Variants in ACP6 observed in about 807,000 individuals in gnomAD.
The protein encoded by ACP6 is acid phosphatase 6, lysophosphatidic, also known as lysophosphatidic acid phosphatase type 6.
In ACP6, 48 loss-of-function variants were observed where a neutral mutation model predicts 48.1. That is an observed-to-expected ratio of 1.00 (90% CI 0.79 to 1.27). ACP6 has a LOEUF of 1.27. Ranked by LOEUF, ACP6 falls within the 50% of genes most tolerant of loss-of-function variation. The pLI, the probability that ACP6 is intolerant of heterozygous loss-of-function variation, is 0.00. For missense variants in ACP6, 485 were observed against 529.1 expected (o/e 0.92, Z 0.82); for synonymous variants, 172 against 204.2 (o/e 0.84, Z 1.34).
Position 147,670,215 on chromosome 1 carries a change from G to C in ACP6, c.-167C>G, listed in dbSNP as rs1661027721. On this transcript the variant is annotated 5_prime_UTR_variant, in exon 1 of 10. Transcript: ENST00000583509. ...CGCTGTGCCTCCCGGCCCTGAGGGA[G>C]ACCCCGAGTGGGAACGGGGGAGAGA... The C allele has an allele frequency of 3.2e-6, 2 of 616,836 alleles. No homozygotes were observed. The highest frequency in any genetic ancestry group is 2.1e-5 in the South Asian group (1 of 46,552). The allele number at this position is 616,836 out of a possible 1,614,324, so 38.2% of individuals were successfully genotyped here. A position where few individuals can be genotyped will look rare whatever the true frequency, so the allele number is the denominator to read the frequency against.
chr1:147,633,780 T>C (rs1659230758), intron 5 of ACP6, among the ~76,000 whole-genome samples: 1 of 152,182 alleles, frequency 6.6e-6, no homozygotes, highest in Admixed American at 6.5e-5. Context: ...AATATTTTCA[T>C]CAAAGTGATA....
At chr1:147,633,732 A>G (rs587725517) in intron 5 of ACP6, among the ~76,000 whole-genome samples, 2 of 152,236 alleles carry the variant, frequency 1.3e-5, no homozygotes, top group South Asian at 4.1e-4. Flanking sequence ...AACAATCTTT[A>G]TATTGGTTCT....
intron 1 of ACP6, 61 bp from the exon 2 acceptor site, chr1:147,659,836 T>C (rs1415698581): frequency 6.4e-7 from 1 of 1,574,626 alleles, no homozygotes; most frequent in African/African-American, 1.3e-5. Flanking sequence ...TGTATAGCAT[T>C]AACATCTCAA....
At chr1:147,648,008 T>C in intron 9 of ACP6, 1 of 545,468 alleles carries the variant, frequency 1.8e-6, no homozygotes, top group Non-Finnish European at 3.2e-6. Flanking sequence ...AGGGGGACCC[T>C]GTTCCTAGGA....
intron 1 of ACP6, among the ~76,000 whole-genome samples, chr1:147,664,542 G>T (rs1553213286): frequency 6.6e-6 from 1 of 152,150 alleles, no homozygotes. Flanking sequence ...TTACCAAAGT[G>T]TATTAAACGA....
In ACP6 at chr1:147,670,286, G is replaced by C; in HGVS notation, c.-238C>G. 2.2e-6 allele frequency: 1 copy of C among 452,120 alleles called. No homozygotes were observed. The highest frequency in any genetic ancestry group is 2.0e-5 in the African/African-American group (1 of 50,684). 28.0% of individuals were successfully genotyped at this position (452,120 alleles called of 1,614,324 possible). On this transcript the variant is annotated 5_prime_UTR_variant, in exon 1 of 10. Transcript: ENST00000583509. ...AGAGTCCCTGGGAGTTTTAACCCGGGTCGGGGTTGGTCGCTCCTGCTGCAC... is the reference window on the plus strand; with the variant it reads ...AGAGTCCCTGGGAGTTTTAACCCGGCTCGGGGTTGGTCGCTCCTGCTGCAC...
rs782281061 is a variant in ACP6, at chr1:147,648,201, A to G, written c.1143+45T>C. ...GCTAACTCAGGTAGGTGGGTTTTGC[A>G]GGAGGGTGCCTCACCACCACCCAAC... is the stretch of plus-strand genomic sequence containing the variant. On this transcript the variant is annotated intron_variant, in intron 9 of 9. Coordinates refer to ENST00000583509, the MANE Select transcript of ACP6 (RefSeq NM_016361.5). 6.2e-6 allele frequency: 10 copies of G among 1,605,646 alleles called. No homozygotes were observed. In the South Asian group the frequency reaches 1.1e-4, roughly 18 times the overall value.
At chr1:147,659,160 G>A in intron 3 of ACP6, 121 bp from the exon 4 acceptor site, 4 of 1,110,412 alleles carry the variant, frequency 3.6e-6, no homozygotes, top group Non-Finnish European at 3.8e-6. Context: ...TATGGAACTA[G>A]GAAGAATGCT....
At chr1:147,660,163 T>C (rs782094577) in intron 1 of ACP6, among the ~76,000 whole-genome samples, 11 of 152,252 alleles carry the variant, frequency 7.2e-5, no homozygotes, top group Non-Finnish European at 1.3e-4. Context: ...GGAATTAATC[T>C]GGAGGTTTAT....
rs782702420 is a variant in ACP6 at position 147,654,209 on chromosome 1, G to A, written c.765C>T (p.Asn255=). ...DKVDFFILLD[N]VAAEQAHNLP... ...CAGGACTCACCTGCTCGGCAGCCAC[G>A]TTGTCCAGGAGGATGAAGAAGTCCA... Residue 255 remains asparagine (N), a synonymous_variant, in exon 6 of 10, where the codon AAC becomes AAT. Coordinates refer to ENST00000583509, the MANE Select transcript of ACP6 (RefSeq NM_016361.5). 28 of 1,613,938 alleles carry A rather than the reference G, an allele frequency of 1.7e-5. No homozygotes were observed. The highest frequency in any genetic ancestry group is 8.9e-5 in the East Asian group (4 of 44,884).
intron 3 of ACP6, 82 bp downstream of exon 3, chr1:147,659,314 G>A: frequency 2.6e-6 from 4 of 1,543,786 alleles, no homozygotes; most frequent in Non-Finnish European, 3.5e-6. Context: ...GTGACAGTGG[G>A]AACCATCTTG....
At position 147,670,285 on chromosome 1, in the gene ACP6, G is replaced by C; in HGVS notation, c.-237C>G. 1 of 452,346 alleles carries C rather than the reference G, an allele frequency of 2.2e-6. No homozygotes were observed. The allele number at this position is 452,346 out of a possible 1,614,324, so 28.0% of individuals were successfully genotyped here. Reference sequence around the variant, plus strand: ...AAGAGTCCCTGGGAGTTTTAACCCGGGTCGGGGTTGGTCGCTCCTGCTGCA... The same window carrying C: ...AAGAGTCCCTGGGAGTTTTAACCCGCGTCGGGGTTGGTCGCTCCTGCTGCA... On this transcript the variant is annotated 5_prime_UTR_variant, in exon 1 of 10. Coordinates refer to ENST00000583509, the MANE Select transcript of ACP6 (RefSeq NM_016361.5).
At chr1:147,669,101 T>A (rs981777539) in intron 1 of ACP6, among the ~76,000 whole-genome samples, 3 of 151,728 alleles carry the variant, frequency 2.0e-5, no homozygotes, top group African/African-American at 4.8e-5. Flanking sequence ...CATTTTTTTT[T>A]AAACTATTTG....
intron 7 of ACP6, chr1:147,650,640 C>A (rs1180710781): frequency 2.4e-5 from 4 of 163,290 alleles, no homozygotes; most frequent in Non-Finnish European, 4.0e-5. Context: ...TCAGAAGGAA[C>A]AAGAACATCC....
rs1661020639 is a variant in ACP6 at position 147,670,101 on chromosome 1, G to A, written c.-53C>T. ...TTGAGGCTGCAGGAGGCAAACACAAGTCTTCTGCGGGCGCCGGGGCTCAGC... is the reference window on the plus strand; with the variant it reads ...TTGAGGCTGCAGGAGGCAAACACAAATCTTCTGCGGGCGCCGGGGCTCAGC... On this transcript the variant is annotated 5_prime_UTR_variant, in exon 1 of 10. Coordinates refer to ENST00000583509, the MANE Select transcript of ACP6 (RefSeq NM_016361.5). 4.2e-6 allele frequency: 6 copies of A among 1,427,420 alleles called. No homozygotes were observed. Among genetic ancestry groups the A allele is most frequent in the Non-Finnish European group, 3.7e-6 (4 of 1,084,370 alleles). 88.4% of individuals were successfully genotyped at this position (1,427,420 alleles called of 1,614,324 possible). A position where few individuals can be genotyped will look rare whatever the true frequency, so the allele number is the denominator to read the frequency against.
chr1:147,670,114 G>T lies in ACP6; in HGVS notation c.-66C>A. ...AGGCAAACACAAGTCTTCTGCGGGCGCCGGGGCTCAGCGGGCGCCCCCAAG... is the reference window on the plus strand; with the variant it reads ...AGGCAAACACAAGTCTTCTGCGGGCTCCGGGGCTCAGCGGGCGCCCCCAAG... On this transcript the variant is annotated 5_prime_UTR_variant, in exon 1 of 10. Transcript: ENST00000583509. The T allele has an allele frequency of 7.1e-7, 1 of 1,402,560 alleles. No homozygotes were observed. The highest frequency in any genetic ancestry group is 1.5e-5 in the South Asian group (1 of 67,798). 86.9% of individuals were successfully genotyped at this position (1,402,560 alleles called of 1,614,324 possible). A position where few individuals can be genotyped will look rare whatever the true frequency, so the allele number is the denominator to read the frequency against.
rs782497542 is a variant in ACP6 at position 147,645,612 on chromosome 1, T to C, written c.*1811A>G. The C allele has an allele frequency of 1.3e-5, 2 of 152,190 alleles. No homozygotes were observed. The highest frequency in any genetic ancestry group is 6.5e-5 in the Admixed American group (1 of 15,274). 9.4% of individuals were successfully genotyped at this position (152,190 alleles called of 1,614,324 possible). A position where few individuals can be genotyped will look rare whatever the true frequency, so the allele number is the denominator to read the frequency against. ...CTGATGAGAAGCTTAGTAAGAAGAATGAAAACTGGCTATTGGATTCACCAC... is the reference window on the plus strand; with the variant it reads ...CTGATGAGAAGCTTAGTAAGAAGAACGAAAACTGGCTATTGGATTCACCAC... On this transcript the variant is annotated 3_prime_UTR_variant, in exon 10 of 10. Transcript: ENST00000583509.
At chr1:147,667,112 G>A (rs1570985053) in intron 1 of ACP6, among the ~76,000 whole-genome samples, 1 of 152,100 alleles carries the variant, frequency 6.6e-6, no homozygotes, top group Admixed American at 6.5e-5. Flanking sequence ...GAAAAAAAAT[G>A]GCCAATCAAG....
At chr1:147,650,309 C>T (rs1659851222) in intron 7 of ACP6, 71 bp from the exon 8 acceptor site, 2 of 1,125,430 alleles carry the variant, frequency 1.8e-6, no homozygotes, top group African/African-American at 3.2e-5. Context: ...CTGATTCTGC[C>T]CCCAGGACCT....
Sources: gnomAD v4.1 joint callset for allele counts (sites outside exome capture counted in the v4.1 genomes callset) on GRCh38, gnomAD v4.1.1 for gene constraint, MANE v1.5 for transcripts, NCBI Gene and HGNC (gene_info 2026-07-23, HGNC 2026-07-21) for gene names.